Variants in ZNF148 observed in about 807,000 individuals in gnomAD.
ZNF148 encodes the protein zinc finger protein 148, also known as Beta-Enolase Repressor Factor-1.
A neutral mutation model predicts 67.7 loss-of-function variants in ZNF148; 7 were observed. The ratio of observed to expected loss-of-function variants is 0.10; its 90% CI spans 0.06 to 0.19. The LOEUF (loss-of-function observed/expected upper bound fraction) is 0.19. Ranked by LOEUF, ZNF148 falls within the 10% of genes least tolerant of loss-of-function variation. The pLI, the probability that ZNF148 is intolerant of heterozygous loss-of-function variation, is 1.00. For synonymous variants in ZNF148, 333 were observed against 330.7 expected (o/e 1.01, Z -0.08); for missense variants, 583 against 947.1 (o/e 0.62, Z 5.05).
intron 1 of ZNF148, among the ~76,000 whole-genome samples, chr3:125,350,655 T>C (rs750025618): frequency 1.1e-4 from 16 of 152,210 alleles, no homozygotes; most frequent in Non-Finnish European, 1.6e-4. Flanking sequence ...ATTCCTCACC[T>C]GCGCCGTTAA....
At chr3:125,327,013 C>T (rs1170514037) in intron 2 of ZNF148, among the ~76,000 whole-genome samples, 1 of 151,660 alleles carries the variant, frequency 6.6e-6, no homozygotes, top group Non-Finnish European at 1.5e-5. Context: ...CAACTATATG[C>T]TGTCAACAAG....
intron 1 of ZNF148, among the ~76,000 whole-genome samples, chr3:125,347,390 A>G (rs1228901430): frequency 6.6e-6 from 1 of 152,212 alleles, no homozygotes; most frequent in Non-Finnish European, 1.5e-5. Flanking sequence ...ACGATCTTGA[A>G]AGAAAAGAAC....
chr3:125,289,921 T>A (rs927396689), intron 4 of ZNF148, among the ~76,000 whole-genome samples: 1 of 152,138 alleles, frequency 6.6e-6, no homozygotes, highest in African/African-American at 2.4e-5. Flanking sequence ...TTTCCACATA[T>A]ATGGAAAGTG....
At position 125,229,896 on chromosome 3, in the gene ZNF148, AAG is replaced by A. The variant is rs1181986521; in HGVS notation, c.*2443_*2444del. On this transcript the variant is annotated 3_prime_UTR_variant, in exon 9 of 9. Transcript: ENST00000360647. ...TGGTAGGCATTTGGAATTTCACAGTAAGAGAGTGATGACTATACGTAAATGGT... is the reference window on the plus strand; with the variant it reads ...TGGTAGGCATTTGGAATTTCACAGTAAGAGTGATGACTATACGTAAATGGT... The A allele has an allele frequency of 6.6e-6, 1 of 152,600 alleles. No homozygotes were observed. The highest frequency in any genetic ancestry group is 1.5e-5 in the Non-Finnish European group (1 of 68,022). The allele number at this position is 152,600 out of a possible 1,614,324, so 9.5% of individuals were successfully genotyped here.
intron 4 of ZNF148, among the ~76,000 whole-genome samples, chr3:125,291,086 T>G (rs1288856172): frequency 6.6e-6 from 1 of 152,070 alleles, no homozygotes; most frequent in Non-Finnish European, 1.5e-5. Context: ...AGTTGCAAAT[T>G]TTGGTCTACC....
chr3:125,277,974 T>C (rs142945465), intron 6 of ZNF148, among the ~76,000 whole-genome samples, 165 bp from the exon 7 acceptor site: 8 of 152,240 alleles, frequency 5.3e-5, no homozygotes, highest in African/African-American at 1.9e-4. Flanking sequence ...CTCTCAATTT[T>C]TTTCCCAGGA....
intron 1 of ZNF148, among the ~76,000 whole-genome samples, chr3:125,351,370 C>T (rs1378553732): frequency 1.2e-5 from 1 of 81,586 alleles, no homozygotes; most frequent in African/African-American, 5.5e-5. Flanking sequence ...CAGAGTGAGA[C>T]CTTGTTTCTC....
At chr3:125,360,874 TAGAAA>T (rs1942515146) in intron 1 of ZNF148, among the ~76,000 whole-genome samples, 2 of 149,160 alleles carry the variant, frequency 1.3e-5, no homozygotes, top group Middle Eastern at 6.9e-3. Context: ...TACATATATA[TAGAAA>T]AGAAAAGCCA....
chr3:125,354,924 T>C (rs896371418), intron 1 of ZNF148, among the ~76,000 whole-genome samples: 2 of 152,178 alleles, frequency 1.3e-5, no homozygotes, highest in African/African-American at 2.4e-5. Context: ...ACATTGTAAT[T>C]TGATTAAATT....
At position 125,329,098 on chromosome 3, in the gene ZNF148, G is replaced by A. The variant is rs542901124; in HGVS notation, c.-153+2060C>T. On this transcript the variant is annotated intron_variant, in intron 2 of 8. Transcript: ENST00000360647. ...GGGAAGGGTTGGAAAGCCTTTCTTC[G>A]ATGTTATAACATTCTCTATTGCCTA... Among the ~76,000 whole-genome samples the A allele has an allele frequency of 3.4e-4, 51 of 150,616 alleles. 1 individual carries two copies. The South Asian group carries it at 5.6e-3, about 17-fold the overall frequency.
Position 125,326,825 on chromosome 3 carries a change from T to C in ZNF148, c.-152-3381A>G, listed in dbSNP as rs1941047047. On this transcript the variant is annotated intron_variant, in intron 2 of 8. Transcript: ENST00000360647. ...TTTTATATATGTAAAGATATATATC[T>C]TTTTATATATGTATACAGATATATA... Among the ~76,000 whole-genome samples the C allele has an allele frequency of 2.0e-5, 3 of 146,540 alleles. No homozygotes were observed. The South Asian group carries it at 6.3e-4, about 31-fold the overall frequency.
chr3:125,276,494 C>G (rs57397421), intron 7 of ZNF148, among the ~76,000 whole-genome samples: 1 of 151,866 alleles, frequency 6.6e-6, no homozygotes, highest in Non-Finnish European at 1.5e-5. Context: ...AGTGCAATGG[C>G]GCGATCTCGA....
At chr3:125,360,426 T>C (rs182905500) in intron 1 of ZNF148, among the ~76,000 whole-genome samples, 30 of 152,156 alleles carry the variant, frequency 2.0e-4, no homozygotes, top group African/African-American at 5.5e-4. Flanking sequence ...ACTGGAACTA[T>C]AGGTGTGCAC....
chr3:125,371,881 G>A (rs759393174), intron 1 of ZNF148, among the ~76,000 whole-genome samples: 1 of 151,502 alleles, frequency 6.6e-6, no homozygotes, highest in African/African-American at 2.4e-5. Flanking sequence ...TGGCTAACAC[G>A]GTGAAACCCC....
At chr3:125,234,494 A>C (rs1035598924) in intron 7 of ZNF148, among the ~76,000 whole-genome samples, 165 bp from the exon 8 acceptor site, 3 of 152,202 alleles carry the variant, frequency 2.0e-5, no homozygotes, top group Admixed American at 6.5e-5. Context: ...AGCATATGCT[A>C]TTGGAAAGAA....
At chr3:125,288,853 T>G (rs1414837737) in intron 4 of ZNF148, among the ~76,000 whole-genome samples, 4 of 152,182 alleles carry the variant, frequency 2.6e-5, no homozygotes. Context: ...AATTATAATT[T>G]TAGGCTGCTA....
chr3:125,281,545 G>A (rs553625070), intron 5 of ZNF148, among the ~76,000 whole-genome samples: 1 of 152,164 alleles, frequency 6.6e-6, no homozygotes. Flanking sequence ...CAACTGCAAG[G>A]AAAGGCTTTG....
chr3:125,266,387 T>C lies in ZNF148; in HGVS notation c.667+11339A>G, dbSNP rs555207299. On this transcript the variant is annotated intron_variant, in intron 7 of 8. Transcript: ENST00000360647. Reference sequence around the variant, plus strand: ...ATACCAAGCACATTCTCAGACCACATTGGAATAAAAATAGGTATCAATACC... The same window carrying C: ...ATACCAAGCACATTCTCAGACCACACTGGAATAAAAATAGGTATCAATACC... 8.2e-4 allele frequency among the ~76,000 whole-genome samples: 125 copies of C among 152,170 alleles called. 1 individual carries two copies. The highest frequency in any genetic ancestry group is 2.4e-4 in the Non-Finnish European group (16 of 67,968).
chr3:125,269,930 GAAC>G (rs1207907744), intron 7 of ZNF148, among the ~76,000 whole-genome samples: 4 of 151,890 alleles, frequency 2.6e-5, no homozygotes, highest in Non-Finnish European at 1.5e-5. Context: ...TAAAAAATGG[GAAC>G]AATAGACACT....
Sources: allele counts gnomAD v4.1 joint callset (sites outside exome capture counted in the v4.1 genomes callset), GRCh38; gene constraint gnomAD v4.1.1; transcripts MANE v1.5; gene names NCBI Gene and HGNC (gene_info 2026-07-23, HGNC 2026-07-21).